The following GAMT variants were observed in gnomAD, a reference collection of about 807,000 sequenced individuals.
The protein encoded by GAMT is guanidinoacetate N-methyltransferase.
A neutral mutation model predicts 26.9 loss-of-function variants in GAMT; 26 were observed. The ratio of observed to expected loss-of-function variants is 0.97; its 90% CI spans 0.71 to 1.34. The LOEUF is 1.34. Among genes scored for constraint, GAMT ranks in the 40% most tolerant of loss-of-function variants. The pLI, the probability that GAMT is intolerant of heterozygous loss-of-function variation, is 0.00. For synonymous variants in GAMT, 169 were observed against 149.6 expected (o/e 1.13, Z -0.95); for missense variants, 412 against 345.0 (o/e 1.19, Z -1.54).
intron 5 of GAMT, 91 bp downstream of exon 5, chr19:1,398,825 C>T (rs1037987815): frequency 7.0e-6 from 11 of 1,572,668 alleles, no homozygotes; most frequent in Non-Finnish European, 9.5e-6. Context: ...AAGGGACCCT[C>T]CCCAGGTAGC....
chr19:1,399,971 G>A lies in GAMT; in HGVS notation c.182-33C>T. The A allele has an allele frequency of 6.3e-7, 1 of 1,584,606 alleles. No homozygotes were observed. The highest frequency in any genetic ancestry group is 1.3e-5 in the African/African-American group (1 of 74,676). ...GACACAGGGCGCCTGGCATCACTAGGTGGGGCGGGCTTAGGAGGCTGCCTG... is the reference window on the plus strand; with the variant it reads ...GACACAGGGCGCCTGGCATCACTAGATGGGGCGGGCTTAGGAGGCTGCCTG... On this transcript the variant is annotated intron_variant, in intron 1 of 5. Transcript: ENST00000252288. The surrounding 1 kb of genome is among the most constrained non-coding windows in gnomAD (Gnocchi z 6.2).
At chr19:1,398,322 T>G (rs2082612122) in intron 5 of GAMT, 1 of 192,488 alleles carries the variant, frequency 5.2e-6, no homozygotes, top group Non-Finnish European at 1.1e-5. Flanking sequence ...AGGCTCAAAC[T>G]CCTGGGCTCA....
At chr19:1,398,383 C>G (rs1013003568) in intron 5 of GAMT, 1 of 276,884 alleles carries the variant, frequency 3.6e-6, no homozygotes, top group African/African-American at 2.2e-5. Flanking sequence ...CAGGTGTGAG[C>G]CACCACGCCC....
rs368523466 is a variant in GAMT at position 1,399,630 on chromosome 19, T to C, written c.328-43A>G. On this transcript the variant is annotated intron_variant, in intron 2 of 5. Transcript: ENST00000252288. This position sits in a 1 kb window ranked among gnomAD's most constrained non-coding sequence, Gnocchi z 6.2. The stretch of plus-strand genomic sequence containing the variant: ...AAAAAGAGAGGACAGGGTAGAGAGG[T>C]CCCCAGGATCTCCCCACCTGCAGAA... 881 of 1,584,996 alleles carry C rather than the reference T, an allele frequency of 5.6e-4. 1 individual carries two copies. The highest frequency in any genetic ancestry group is 6.8e-4 in the Non-Finnish European group (793 of 1,162,306).
chr19:1,397,257 T>A lies in GAMT; in HGVS notation c.*102A>T, dbSNP rs2082605055. 4.3e-6 allele frequency: 6 copies of A among 1,388,612 alleles called. No individual in the cohort carries two copies. The highest frequency in any genetic ancestry group is 5.9e-6 in the Non-Finnish European group (6 of 1,018,986). The allele number at this position is 1,388,612 out of a possible 1,614,324, so 86.0% of individuals were successfully genotyped here. A position where few individuals can be genotyped will look rare whatever the true frequency, so the allele number is the denominator to read the frequency against. ...ACAGAGAAGCCGGGAAAGCTTCTGG[T>A]GACACACAGCTGGGATCAGCCCAGG... On this transcript the variant is annotated 3_prime_UTR_variant, in exon 6 of 6. Coordinates refer to ENST00000252288, the MANE Select transcript of GAMT (RefSeq NM_000156.6).
intron 5 of GAMT, chr19:1,398,595 C>A (rs1245372731): frequency 4.0e-6 from 3 of 744,448 alleles, no homozygotes; most frequent in Non-Finnish European, 6.4e-6. Flanking sequence ...GCCACCACGC[C>A]CAGCTAGTTT....
At position 1,399,220 on chromosome 19, in the gene GAMT, CGGTCAGGGCCGG is replaced by C. The variant is rs761047151; in HGVS notation, c.392-37_392-26del. 1 of 1,612,416 alleles carries C rather than the reference CGGTCAGGGCCGG, an allele frequency of 6.2e-7. No homozygotes were observed. Among genetic ancestry groups the C allele is most frequent in the Non-Finnish European group, 8.5e-7 (1 of 1,179,324 alleles). ...CCTGCACGGAGAACAGAAGCCCACG[CGGTCAGGGCCGG>C]GCTCAGCGCCTCACCCAGCCTCACC... On this transcript the variant is annotated intron_variant, in intron 3 of 5. Transcript: ENST00000252288. This position sits in a 1 kb window ranked among gnomAD's most constrained non-coding sequence, Gnocchi z 6.2.
rs1216124629 is a variant in GAMT at position 1,397,429 on chromosome 19, A to G, written c.641T>C (p.Leu214Pro). The G allele has an allele frequency of 1.2e-6, 2 of 1,611,438 alleles. No individual in the cohort carries two copies. Among genetic ancestry groups the G allele is most frequent in the Non-Finnish European group, 1.7e-6 (2 of 1,179,892 alleles). The part of the protein sequence containing the change: ...RENIRTEVMA[L>P]VPPADCRYYA... ...GTAGCGGCAGTCGGCCGGTGGGACC[A>G]GCGCCATCACCTCCGTACGGATGTT... Residue 214 changes from leucine (L) to proline (P), a missense_variant, in exon 6 of 6, where the codon CTG becomes CCG. By Grantham distance (98) the Leu-to-Pro change is moderately conservative (BLOSUM62 -3). Transcript: ENST00000252288.
At chr19:1,398,583 A>T (rs1165563318) in intron 5 of GAMT, 1 of 680,606 alleles carries the variant, frequency 1.5e-6, no homozygotes, top group Admixed American at 2.9e-5. Flanking sequence ...GTACAGGCAC[A>T]CGCCACCACG....
chr19:1,397,920 C>CAGAT (rs1399095855), intron 5 of GAMT: 1 of 1,087,296 alleles, frequency 9.2e-7, no homozygotes, highest in Non-Finnish European at 1.1e-6. Context: ...GAGCCCTTCT[C>CAGAT]AGATAGGCCG....
intron 5 of GAMT, chr19:1,397,764 AG>A: frequency 7.3e-7 from 1 of 1,373,616 alleles, no homozygotes; most frequent in Non-Finnish European, 9.4e-7. Flanking sequence ...ACAGTTCTCC[AG>A]ACCTTGCCAG....
rs749390953 is a variant in GAMT at position 1,398,994 on chromosome 19, GC to G, written c.491del (p.Gly164AlafsTer14). The G allele has an allele frequency of 7.4e-6, 12 of 1,613,314 alleles. No individual in the cohort carries two copies. The African/African-American group carries it at 1.2e-4, about 16-fold the overall frequency. ...AGGTGAGGTTGCAGTAGGTGAGGAC[GC>G]CCCCCGGCTTCAGCAGGCGAAAGGC... ...NHAFRLLKPG[G>X]VLTYCNLTSW... On this transcript the variant is annotated frameshift_variant, in exon 5 of 6. Transcript: ENST00000252288. LOFTEE classifies it high-confidence loss of function.
chr19:1,400,829 C>T (rs1314174785), intron 1 of GAMT, among the ~76,000 whole-genome samples: 17 of 152,202 alleles, frequency 1.1e-4, no homozygotes. Context: ...TAGCGTCTGA[C>T]GCCAGGCAGG....
Position 1,399,958 on chromosome 19 carries a change from C to G in GAMT, c.182-20G>C. On this transcript the variant is annotated intron_variant, in intron 1 of 5. Coordinates refer to ENST00000252288, the MANE Select transcript of GAMT (RefSeq NM_000156.6). The surrounding 1 kb of genome is among the most constrained non-coding windows in gnomAD (Gnocchi z 6.2). ...GGCCCCCTGGGCAGACACAGGGCGC[C>G]TGGCATCACTAGGTGGGGCGGGCTT... 6.3e-7 allele frequency: 1 copy of G among 1,596,720 alleles called. No homozygotes were observed. The highest frequency in any genetic ancestry group is 8.5e-7 in the Non-Finnish European group (1 of 1,173,758).
intron 5 of GAMT, 83 bp from the exon 6 acceptor site, chr19:1,397,582 T>C: frequency 6.4e-7 from 1 of 1,572,946 alleles, no homozygotes; most frequent in Non-Finnish European, 8.6e-7. Flanking sequence ...TGAAGAGTGT[T>C]TACAGATGGC....
At chr19:1,398,375 G>A (rs1473234309) in intron 5 of GAMT, 1 of 265,798 alleles carries the variant, frequency 3.8e-6, no homozygotes, top group African/African-American at 2.2e-5. Flanking sequence ...CGGGATCACA[G>A]GTGTGAGCCA....
At chr19:1,400,500 G>T (rs1434095721) in intron 1 of GAMT, among the ~76,000 whole-genome samples, 1 of 152,164 alleles carries the variant, frequency 6.6e-6, no homozygotes, top group African/African-American at 2.4e-5. Context: ...TTGGGGCCAG[G>T]CCTGTGGGGA....
Position 1,401,422 on chromosome 19 carries a change from C to G in GAMT, c.55G>C (p.Ala19Pro), listed in dbSNP as rs2082633448. Reference sequence around the variant, plus strand: ...TAGGCCGCGGGCGCCGCCCCCCACGCGGGGCTGCAGTTCTCGCCGGGCGCG... The same window carrying G: ...TAGGCCGCGGGCGCCGCCCCCCACGGGGGGCTGCAGTTCTCGCCGGGCGCG... The part of the protein sequence containing the change: ...IFAPGENCSP[A>P]WGAAPAAYDA... The change falls in exon 1 of 6, where the codon GCG (alanine) becomes CCG (proline). Residue 19 changes from alanine (A) to proline (P), a missense_variant. Physicochemically the swap from Ala to Pro is conservative, Grantham distance 27. Transcript: ENST00000252288. 6.9e-7 allele frequency: 1 copy of G among 1,446,616 alleles called. No individual in the cohort carries two copies. Among genetic ancestry groups the G allele is most frequent in the African/African-American group, 1.5e-5 (1 of 68,016 alleles). 89.6% of individuals were successfully genotyped at this position (1,446,616 alleles called of 1,614,324 possible). A position where few individuals can be genotyped will look rare whatever the true frequency, so the allele number is the denominator to read the frequency against.
In GAMT at chr19:1,401,286, CG is replaced by C. The variant is rs1365566652; in HGVS notation, c.181+9del. On this transcript the variant is annotated intron_variant, in intron 1 of 5. Coordinates refer to ENST00000252288, the MANE Select transcript of GAMT (RefSeq NM_000156.6). Reference sequence around the variant, plus strand: ...GCCCCCGGGGGCGGTGCAGGCCGGGCGGGGGCTACCTTTGGAGGAGGCGGCG... The same window carrying C: ...GCCCCCGGGGGCGGTGCAGGCCGGGCGGGGCTACCTTTGGAGGAGGCGGCG... 2.0e-6 allele frequency: 3 copies of C among 1,481,964 alleles called. No individual in the cohort carries two copies. Among genetic ancestry groups the C allele is most frequent in the Admixed American group, 2.1e-5 (1 of 46,904 alleles). 91.8% of individuals were successfully genotyped at this position (1,481,964 alleles called of 1,614,324 possible).
Sources: allele counts gnomAD v4.1 joint callset (sites outside exome capture counted in the v4.1 genomes callset), GRCh38; gene constraint gnomAD v4.1.1; non-coding constraint Gnocchi (gnomAD v3.1); transcripts MANE v1.5; gene names NCBI Gene and HGNC (gene_info 2026-07-23, HGNC 2026-07-21).